The following ICAM2 variants were observed in gnomAD, a reference collection of about 807,000 sequenced individuals.
The protein encoded by ICAM2 is ICAM-2.
Under a neutral mutation model 19.1 loss-of-function variants are expected in ICAM2, and 14 were observed. The observed-to-expected ratio is 0.73, with a 90% confidence interval of 0.48 to 1.15. The LOEUF (loss-of-function observed/expected upper bound fraction) is 1.15. ICAM2 is among the 50% of genes most tolerant of loss of function. The pLI, the probability that ICAM2 is intolerant of heterozygous loss-of-function variation, is 0.00. For synonymous variants in ICAM2, 153 were observed against 152.7 expected (o/e 1.00, Z -0.01); for missense variants, 311 against 355.4 (o/e 0.88, Z 1.00).
intron 1 of ICAM2, among the ~76,000 whole-genome samples, chr17:64,008,788 G>A (rs1911325626): frequency 6.6e-6 from 1 of 152,184 alleles, no homozygotes; most frequent in Non-Finnish European, 1.5e-5. Flanking sequence ...AGGGACTGTG[G>A]GAAGGTGGGG....
intron 1 of ICAM2, among the ~76,000 whole-genome samples, chr17:64,013,806 A>G (rs527644802): frequency 6.6e-6 from 1 of 152,208 alleles, no homozygotes; most frequent in South Asian, 2.1e-4. Context: ...ATACTTCTAT[A>G]TATACTCTTT....
rs543686659 is a variant in ICAM2, at chr17:64,013,518, T to A, written c.-44-6783A>T. Among the ~76,000 whole-genome samples, 69 of 150,988 alleles carry A rather than the reference T, an allele frequency of 4.6e-4. 1 individual carries two copies. The highest frequency in any genetic ancestry group is 3.4e-3 in the Middle Eastern group (1 of 292). ...CCTATCTCAAAAAAGAAAAAAAAAA[T>A]ACTAAAACACAAAGCTCAGCTCTAT... On this transcript the variant is annotated intron_variant, in intron 1 of 4. Transcript: ENST00000579788.
intron 1 of ICAM2, among the ~76,000 whole-genome samples, chr17:64,014,731 AAGAAAGAAAG>A (rs1208395157): frequency 3.5e-3 from 59 of 17,080 alleles, no homozygotes; most frequent in Non-Finnish European, 0.017. Context: ...GGAAGAAAGA[AAGAAAGAAAG>A]AAAGAAAGAA....
chr17:64,014,376 A>AAAGAAAGAAAGAAAGGAAGG (rs1567849318), intron 1 of ICAM2, among the ~76,000 whole-genome samples: 5 of 55,420 alleles, frequency 9.0e-5, no homozygotes, highest in African/African-American at 3.1e-4. Context: ...AGAAAGAAAG[A>AAAGAAAGAAAGAAAGGAAGG]AAGGAAGGAA....
chr17:64,015,526 G>A (rs1911686155), intron 1 of ICAM2, among the ~76,000 whole-genome samples: 1 of 152,124 alleles, frequency 6.6e-6, no homozygotes, highest in Admixed American at 6.5e-5. Context: ...GATCCCTTAA[G>A]CCCAAGAGTT....
Position 64,005,176 on chromosome 17 carries a change from T to G in ICAM2, c.259A>C (p.Thr87Pro). The change falls in exon 3 of 5, where the codon ACG becomes CCG. Residue 87 changes from threonine (T) to proline (P), a missense_variant. Coordinates refer to ENST00000579788, the MANE Select transcript of ICAM2 (RefSeq NM_001099789.2). ...CAGGTGAAGTGGCATTGGAGGACCG[T>G]GTCATGGGAGATGTTTGAGACCAAG... ...HYLVSNISHD[T>P]VLQCHFTCSG... The G allele has an allele frequency of 6.2e-7, 1 of 1,614,126 alleles. No homozygotes were observed. Among genetic ancestry groups the G allele is most frequent in the South Asian group, 1.1e-5 (1 of 91,088 alleles).
chr17:64,017,160 C>T (rs1273985943), intron 1 of ICAM2, among the ~76,000 whole-genome samples: 3 of 152,108 alleles, frequency 2.0e-5, no homozygotes, highest in South Asian at 2.1e-4. Context: ...GAAGGAAAGG[C>T]GATCAAAACC....
chr17:64,007,375 G>T (rs559555313), intron 1 of ICAM2, among the ~76,000 whole-genome samples: 1 of 151,684 alleles, frequency 6.6e-6, no homozygotes, highest in East Asian at 1.9e-4. Context: ...CAATTCTCCT[G>T]CCTCAGCCTC....
intron 1 of ICAM2, among the ~76,000 whole-genome samples, chr17:64,014,912 T>C (rs1283027697): frequency 6.6e-6 from 1 of 151,982 alleles, no homozygotes; most frequent in Non-Finnish European, 1.5e-5. Flanking sequence ...ATTATCTCTC[T>C]ATTAAAATAA....
At position 64,017,969 on chromosome 17, in the gene ICAM2, T is replaced by C. The variant is rs902769206; in HGVS notation, c.-45+2554A>G. Among the ~76,000 whole-genome samples the C allele has an allele frequency of 6.6e-5, 10 of 152,284 alleles. 1 individual carries two copies. The South Asian group carries it at 2.1e-3, about 32-fold the overall frequency. On this transcript the variant is annotated intron_variant, in intron 1 of 4. Coordinates refer to ENST00000579788, the MANE Select transcript of ICAM2 (RefSeq NM_001099789.2). ...GAAAGAAACTCTTTATAAGAAAATG[T>C]AGGAGAGTATTTCCATATCCTTGGG...
At chr17:64,004,497 A>G (rs932389876) in intron 3 of ICAM2, 38 of 171,928 alleles carry the variant, frequency 2.2e-4, no homozygotes, top group South Asian at 1.4e-4. Context: ...GAATTAGAAT[A>G]CTTCACTTCC....
intron 3 of ICAM2, 107 bp from the exon 4 acceptor site, chr17:64,004,071 A>G: frequency 1.1e-6 from 1 of 878,216 alleles, no homozygotes; most frequent in African/African-American, 1.7e-5. Flanking sequence ...ACGGTTGGGG[A>G]GGAGGTGGCC....
In ICAM2 at chr17:64,008,663, G is replaced by A. The variant is rs9891300; in HGVS notation, c.-44-1928C>T. The stretch of plus-strand genomic sequence containing the variant: ...CCTGCCATGGTGACTGTTGAAGCCC[G>A]CCCGAGCAGGCGCAAGAAGAGGATT... On this transcript the variant is annotated intron_variant, in intron 1 of 4. Coordinates refer to ENST00000579788, the MANE Select transcript of ICAM2 (RefSeq NM_001099789.2). Among the ~76,000 whole-genome samples, 607 of 152,238 alleles carry A rather than the reference G, an allele frequency of 4.0e-3. 5 individuals are homozygous for A. Among genetic ancestry groups the A allele is most frequent in the African/African-American group, 0.014 (593 of 41,542 alleles).
At chr17:64,014,706 GAAGGAAGGAAGGAAGGAAGA>G (rs1200470927) in intron 1 of ICAM2, among the ~76,000 whole-genome samples, 6,664 of 85,690 alleles carry the variant, frequency 0.078, 170 homozygotes, top group South Asian at 0.14. Context: ...AGGAAGGAAG[GAAGGAAGGAAGGAAGGAAGA>G]AAGAAAGAAA....
intron 1 of ICAM2, among the ~76,000 whole-genome samples, chr17:64,009,285 A>C (rs543122367): frequency 6.7e-6 from 1 of 150,108 alleles, no homozygotes; most frequent in African/African-American, 2.4e-5. Context: ...TTTTAGTTTT[A>C]GGTCCTAAGC....
chr17:64,016,965 T>C (rs1911740743), intron 1 of ICAM2, among the ~76,000 whole-genome samples: 1 of 152,228 alleles, frequency 6.6e-6, no homozygotes, highest in Non-Finnish European at 1.5e-5. Flanking sequence ...TCTTAGCAAA[T>C]TAGAAGCAAA....
Position 64,003,931 on chromosome 17 carries a change from G to GCT in ICAM2, c.361_362insAG (p.Pro121GlnfsTer77). Reference sequence around the variant, plus strand: ...GGACTTGCCCACAGCCACCAAAGTGGGTTGCAGTGTCAGGATGACCTGCCT... The same window carrying GCT: ...GGACTTGCCCACAGCCACCAAAGTGGCTGTTGCAGTGTCAGGATGACCTGCCT... On this transcript the variant is annotated frameshift_variant, in exon 4 of 5. Transcript: ENST00000579788. LOFTEE classifies it high-confidence loss of function. 6.2e-7 allele frequency: 1 copy of GCT among 1,613,794 alleles called. No homozygotes were observed. The highest frequency in any genetic ancestry group is 8.5e-7 in the Non-Finnish European group (1 of 1,179,862).
At chr17:64,017,715 T>C (rs978716804) in intron 1 of ICAM2, among the ~76,000 whole-genome samples, 3 of 152,206 alleles carry the variant, frequency 2.0e-5, no homozygotes, top group African/African-American at 7.2e-5. Context: ...AGCGTAGGTA[T>C]AGGCAAATTA....
At chr17:64,018,143 C>T (rs1159878303) in intron 1 of ICAM2, among the ~76,000 whole-genome samples, 2 of 151,818 alleles carry the variant, frequency 1.3e-5, no homozygotes, top group Admixed American at 1.3e-4. Context: ...ACCATCCTGG[C>T]CAACATGGTG....
Sources: gnomAD v4.1 joint callset for allele counts (sites outside exome capture counted in the v4.1 genomes callset) on GRCh38, gnomAD v4.1.1 for gene constraint, MANE v1.5 for transcripts, NCBI Gene and HGNC (gene_info 2026-07-23, HGNC 2026-07-21) for gene names.